AKAP10: variants seen among roughly 807,000 people sequenced by gnomAD.
AKAP10 encodes the protein A-kinase anchor protein 10, mitochondrial.
A neutral mutation model predicts 80.8 loss-of-function variants in AKAP10; 24 were observed. The observed-to-expected ratio is 0.30, with a 90% CI of 0.22 to 0.42. The LOEUF is 0.42. Ranked by LOEUF, AKAP10 falls within the 10% of genes least tolerant of loss-of-function variation. AKAP10 has a pLI of 1.00. For missense variants in AKAP10, 661 were observed against 794.9 expected, an observed-to-expected ratio of 0.83 and a Z score of 2.03; for synonymous variants, 291 against 277.7, an observed-to-expected ratio of 1.05 and a Z score of -0.48.
intron 10 of AKAP10, 47 bp downstream of exon 10, chr17:19,931,758 G>C (rs758632920): frequency 6.5e-7 from 1 of 1,549,168 alleles, no homozygotes; most frequent in Non-Finnish European, 8.8e-7. Flanking sequence ...GTGAAGGAAA[G>C]GATGTGTATG....
intron 3 of AKAP10, among the ~76,000 whole-genome samples, chr17:19,959,352 T>C (rs2043321509): frequency 6.6e-6 from 1 of 152,204 alleles, no homozygotes; most frequent in South Asian, 2.1e-4. Flanking sequence ...GGCAACACTC[T>C]CATTCGCTGG....
At chr17:19,946,205 T>TTTA (rs2043105533) in intron 5 of AKAP10, among the ~76,000 whole-genome samples, 1 of 46,056 alleles carries the variant, frequency 2.2e-5, no homozygotes, top group South Asian at 6.5e-4. Context: ...TACATATATT[T>TTTA]TATATATATA....
At chr17:19,944,977 A>C (rs2043087892) in intron 5 of AKAP10, among the ~76,000 whole-genome samples, 1 of 152,238 alleles carries the variant, frequency 6.6e-6, no homozygotes, top group Admixed American at 6.5e-5. Context: ...CTTGAAGGAC[A>C]GCTATATTAA....
intron 5 of AKAP10, among the ~76,000 whole-genome samples, chr17:19,946,250 TA>T (rs1567765665): frequency 3.5e-4 from 7 of 20,088 alleles, no homozygotes; most frequent in African/African-American, 1.5e-3. Context: ...TATATATATA[TA>T]TATATATATA....
At chr17:19,941,032 A>T in intron 6 of AKAP10, 22 bp from the exon 7 acceptor site, 1 of 1,586,312 alleles carries the variant, frequency 6.3e-7, no homozygotes, top group Non-Finnish European at 8.5e-7. Context: ...CAAAAGGGAA[A>T]ATTTGAGGGA....
intron 4 of AKAP10, among the ~76,000 whole-genome samples, chr17:19,952,025 A>T (rs2043221734): frequency 6.6e-6 from 1 of 151,302 alleles, no homozygotes; most frequent in East Asian, 1.9e-4. Flanking sequence ...GAGTAATATA[A>T]TTATATTAAT....
At chr17:19,944,322 GTGTGGACTGCA>G (rs1204335964) in intron 5 of AKAP10, among the ~76,000 whole-genome samples, 4 of 152,256 alleles carry the variant, frequency 2.6e-5, no homozygotes, top group South Asian at 4.1e-4. Context: ...CCTATCAGCT[GTGTGGACTGCA>G]TGTTTATATA....
At chr17:19,971,614 G>A (rs943386743) in intron 1 of AKAP10, among the ~76,000 whole-genome samples, 1 of 151,794 alleles carries the variant, frequency 6.6e-6, no homozygotes, top group Non-Finnish European at 1.5e-5. Flanking sequence ...GTTCATTCAC[G>A]CAGCTCTAGT....
intron 12 of AKAP10, among the ~76,000 whole-genome samples, chr17:19,912,242 C>T (rs951783000): frequency 1.3e-5 from 2 of 152,124 alleles, no homozygotes; most frequent in African/African-American, 4.8e-5. Flanking sequence ...TGGTGAAACC[C>T]CGTCTCTACT....
At position 19,934,211 on chromosome 17, in the gene AKAP10, G is replaced by T. The variant is rs74255377; in HGVS notation, c.1467+2075C>A. On this transcript the variant is annotated intron_variant, in intron 9 of 14. Coordinates refer to ENST00000225737, the MANE Select transcript of AKAP10 (RefSeq NM_007202.4). ...GCTGGGATTACAGATGTGAGTCGCC[G>T]TGCCTAGCCAACGCTTTATTATTAA... is the stretch of plus-strand genomic sequence containing the variant. 2.7e-3 allele frequency among the ~76,000 whole-genome samples: 406 copies of T among 152,232 alleles called. 15 individuals carry two copies. The East Asian group carries it at 0.074, about 28-fold the overall frequency.
At chr17:19,959,438 T>C (rs1200221531) in intron 3 of AKAP10, among the ~76,000 whole-genome samples, 3 of 152,186 alleles carry the variant, frequency 2.0e-5, no homozygotes, top group African/African-American at 7.2e-5. Flanking sequence ...GCAAACTGCA[T>C]TATTTTCAGT....
intron 1 of AKAP10, among the ~76,000 whole-genome samples, chr17:19,975,347 T>C (rs772095455): frequency 6.6e-6 from 1 of 152,216 alleles, no homozygotes; most frequent in Non-Finnish European, 1.5e-5. Context: ...AACCTAACCA[T>C]GGCCCGTAGA....
intron 6 of AKAP10, among the ~76,000 whole-genome samples, chr17:19,941,401 A>G (rs1411888727): frequency 6.6e-6 from 1 of 152,198 alleles, no homozygotes; most frequent in East Asian, 1.9e-4. Flanking sequence ...AAATCTAAAA[A>G]ACCTCTGGAG....
At chr17:19,908,535 A>T (rs539241538) in intron 14 of AKAP10, among the ~76,000 whole-genome samples, 4 of 152,322 alleles carry the variant, frequency 2.6e-5, no homozygotes, top group African/African-American at 9.6e-5. Flanking sequence ...CTCCTAGGCC[A>T]AGGATCCATG....
intron 10 of AKAP10, among the ~76,000 whole-genome samples, chr17:19,926,080 C>G (rs892367863): frequency 6.6e-6 from 1 of 151,986 alleles, no homozygotes; most frequent in African/African-American, 2.4e-5. Flanking sequence ...AACAAAATAC[C>G]AGTAAATGGA....
intron 10 of AKAP10, among the ~76,000 whole-genome samples, chr17:19,931,270 C>T (rs1438993900): frequency 6.6e-6 from 1 of 152,046 alleles, no homozygotes; most frequent in Non-Finnish European, 1.5e-5. Context: ...AGAGAAACAG[C>T]CACAGATTCA....
intron 5 of AKAP10, among the ~76,000 whole-genome samples, chr17:19,944,075 C>T (rs2043078475): frequency 6.6e-6 from 1 of 152,026 alleles, no homozygotes; most frequent in Non-Finnish European, 1.5e-5. Context: ...TTCCTGCTTC[C>T]TTGAGAATAT....
At chr17:19,930,702 T>A (rs894330630) in intron 10 of AKAP10, among the ~76,000 whole-genome samples, 1 of 151,930 alleles carries the variant, frequency 6.6e-6, no homozygotes, top group Non-Finnish European at 1.5e-5. Context: ...ACAGCAAGAC[T>A]CCATCATTTA....
At position 19,958,067 on chromosome 17, in the gene AKAP10, C is replaced by T. The variant is rs777552841; in HGVS notation, c.824G>A (p.Ser275Asn). Residue 275 changes from serine (S) to asparagine (N), a missense_variant, in exon 4 of 15, where the codon AGT (serine) becomes AAT (asparagine). Ser to Asn is a conservative substitution (Grantham distance 46). Coordinates refer to ENST00000225737, the MANE Select transcript of AKAP10 (RefSeq NM_007202.4). The stretch of plus-strand genomic sequence containing the variant: ...TAGTGGAGAAGCGGGACTATTTCTA[C>T]TGGCTACTGTAAGTGTAGAGGAAGA... ...QESSSTLTVA[S>N]RNSPASPLKE... The T allele has an allele frequency of 1.9e-6, 3 of 1,613,970 alleles. No individual in the cohort carries two copies. The East Asian group carries it at 6.7e-5, about 36-fold the overall frequency.
Sources: allele counts gnomAD v4.1 joint callset (sites outside exome capture counted in the v4.1 genomes callset), GRCh38; gene constraint gnomAD v4.1.1; transcripts MANE v1.5; gene names NCBI Gene and HGNC (gene_info 2026-07-23, HGNC 2026-07-21).